Variants in PLCZ1 observed in about 807,000 individuals in gnomAD.
The protein encoded by PLCZ1 is 1-phosphatidylinositol 4,5-bisphosphate phosphodiesterase zeta-1.
A neutral mutation model predicts 76.8 loss-of-function variants in PLCZ1; 64 were observed. The observed-to-expected ratio is 0.83, with a 90% CI of 0.68 to 1.03. PLCZ1 has a LOEUF of 1.03. Among genes scored for constraint, PLCZ1 ranks in the 50% least tolerant of loss-of-function variants. The pLI, the probability that PLCZ1 is intolerant of heterozygous loss-of-function variation, is 0.00. For missense variants in PLCZ1, 751 were observed against 713.7 expected, an observed-to-expected ratio of 1.05 and a Z score of -0.60; for synonymous variants, 248 against 230.8, an observed-to-expected ratio of 1.07 and a Z score of -0.68.
At position 18,712,896 on chromosome 12, in the gene PLCZ1, T is replaced by C; in HGVS notation, c.660A>G (p.Thr220=). The change falls in exon 6 of 15, where the codon ACA becomes ACG. Residue 220 remains threonine (T), a synonymous_variant. Transcript: ENST00000266505. ...EPVVYHGYTL[T]SKLLFKTVIQ... ...TAACAGTTTTAAACAGAAGTTTGCT[T>C]GTGAGTGTGTAGCCATGATATACAA... is the stretch of plus-strand genomic sequence containing the variant. The C allele has an allele frequency of 6.2e-7, 1 of 1,613,932 alleles. No individual in the cohort carries two copies. The highest frequency in any genetic ancestry group is 1.1e-5 in the South Asian group (1 of 91,084).
chr12:18,655,876 A>C, the PLCZ1 span, among the ~76,000 whole-genome samples: 2 of 152,194 alleles, frequency 1.3e-5, no homozygotes, highest in Admixed American at 6.6e-5. Flanking sequence ...TGTCACAGCC[A>C]AGAGGAGCTT....
intron 13 of PLCZ1, 61 bp downstream of exon 13, chr12:18,688,028 A>G: frequency 6.3e-7 from 1 of 1,588,758 alleles, no homozygotes; most frequent in South Asian, 1.1e-5. Flanking sequence ...TCAACATATA[A>G]TTTGTAAGCT....
chr12:18,712,894 C>T lies in PLCZ1; in HGVS notation c.662G>A (p.Ser221Asn). The T allele has an allele frequency of 6.2e-7, 1 of 1,613,882 alleles. No individual in the cohort carries two copies. Among genetic ancestry groups the T allele is most frequent in the South Asian group, 1.1e-5 (1 of 91,076 alleles). ...PVVYHGYTLT[S>N]KLLFKTVIQA... is the part of the protein sequence containing the mutation. Reference sequence around the variant, plus strand: ...GATAACAGTTTTAAACAGAAGTTTGCTTGTGAGTGTGTAGCCATGATATAC... The same window carrying T: ...GATAACAGTTTTAAACAGAAGTTTGTTTGTGAGTGTGTAGCCATGATATAC... The change falls in exon 6 of 15, where the codon AGC becomes AAC. Residue 221 changes from serine (S) to asparagine (N), a missense_variant. By Grantham distance (46) the Ser-to-Asn change is conservative (BLOSUM62 1). Coordinates refer to ENST00000266505, the MANE Select transcript of PLCZ1 (RefSeq NM_033123.4).
rs71440372 is a variant in PLCZ1, at chr12:18,696,322, CTATATATATATATA to C, written c.1175-70_1175-57del. 2.5e-4 allele frequency: 66 copies of C among 267,788 alleles called. 5 individuals are homozygous for C. Among genetic ancestry groups the C allele is most frequent in the African/African-American group, 2.2e-3 (36 of 16,378 alleles). 16.6% of individuals were successfully genotyped at this position (267,788 alleles called of 1,614,324 possible). On this transcript the variant is annotated intron_variant, in intron 10 of 14. Transcript: ENST00000266505. ...GAATTCAAATAAATTTAAAAAGCCA[CTATATATATATATA>C]TATATATATATATATCATATAATTC...
intron 3 of PLCZ1, chr12:18,735,633 T>C (rs1959202429): frequency 6.6e-6 from 1 of 152,472 alleles, no homozygotes; most frequent in Non-Finnish European, 1.5e-5. Flanking sequence ...ATTTCCCTTT[T>C]TTTTCTAGAT....
downstream of PLCZ1, among the ~76,000 whole-genome samples, chr12:18,682,445 T>C (rs73060512): frequency 0.034 from 5,187 of 152,136 alleles, 141 homozygotes; most frequent in Middle Eastern, 0.095. Context: ...TTAGTATTAA[T>C]ATCAGTGGTT....
intron 3 of PLCZ1, among the ~76,000 whole-genome samples, chr12:18,727,282 G>A (rs184825341): frequency 6.6e-6 from 1 of 152,190 alleles, no homozygotes; most frequent in Admixed American, 6.6e-5. Flanking sequence ...CAGGAGTCCA[G>A]GGCTAGAGTG....
At chr12:18,737,260 G>T in intron 2 of PLCZ1, 101 bp downstream of exon 2, 1 of 1,268,370 alleles carries the variant, frequency 7.9e-7, no homozygotes. Context: ...TAAATGAAGA[G>T]GACTTAAATT....
intron 12 of PLCZ1, 91 bp downstream of exon 12, chr12:18,694,819 T>C (rs1954715005): frequency 3.9e-6 from 4 of 1,035,860 alleles, no homozygotes; most frequent in Non-Finnish European, 5.6e-6. Flanking sequence ...TAAAAGAAAT[T>C]GAAGCAAATC....
chr12:18,665,748 C>A, the PLCZ1 span, among the ~76,000 whole-genome samples: 502 of 151,976 alleles, frequency 3.3e-3, 3 homozygotes, highest in African/African-American at 0.012. Context: ...CATCCTGGAC[C>A]ACATGGTGAA....
At chr12:18,674,381 G>T in the PLCZ1 span, among the ~76,000 whole-genome samples, 1 of 145,074 alleles carries the variant, frequency 6.9e-6, no homozygotes, top group Non-Finnish European at 1.5e-5. Context: ...GTCTGCAATA[G>T]AATGTGAGAT....
At chr12:18,680,986 T>C (rs1952352947), downstream of PLCZ1, among the ~76,000 whole-genome samples, 1 of 151,810 alleles carries the variant, frequency 6.6e-6, no homozygotes, top group Non-Finnish European at 1.5e-5. Flanking sequence ...GATAGGGGAG[T>C]GTGTAGCATT....
intron 3 of PLCZ1, among the ~76,000 whole-genome samples, chr12:18,729,606 C>T (rs568312853): frequency 6.6e-6 from 1 of 152,160 alleles, no homozygotes; most frequent in African/African-American, 2.4e-5. Context: ...GATACTATTT[C>T]TTACTCAACC....
chr12:18,696,325 TATATATA>T, intron 10 of PLCZ1, 59 bp from the exon 11 acceptor site: 1 of 49,124 alleles, frequency 2.0e-5, no homozygotes, highest in Non-Finnish European at 5.7e-5. Flanking sequence ...AAAGCCACTA[TATATATA>T]TATATATATA....
At chr12:18,684,388 T>C (rs757519835) in intron 13 of PLCZ1, 109 bp from the exon 14 acceptor site, 51 of 1,056,296 alleles carry the variant, frequency 4.8e-5, no homozygotes, top group Non-Finnish European at 6.3e-5. Flanking sequence ...AACAATAATA[T>C]CTTGTGTTTA....
the PLCZ1 span, among the ~76,000 whole-genome samples, chr12:18,650,663 AAT>A: frequency 5.4e-3 from 274 of 50,822 alleles, 3 homozygotes; most frequent in African/African-American, 0.014. Flanking sequence ...CTGGAATATA[AAT>A]GTGTGTGTGT....
intron 3 of PLCZ1, among the ~76,000 whole-genome samples, chr12:18,728,395 G>A (rs1221125010): frequency 6.6e-6 from 1 of 152,142 alleles, no homozygotes; most frequent in Non-Finnish European, 1.5e-5. Context: ...TGAACAAATG[G>A]TGCCATTTAC....
At chr12:18,656,275 A>G in the PLCZ1 span, among the ~76,000 whole-genome samples, 90,072 of 151,932 alleles carry the variant, frequency 0.59, 26,907 homozygotes, top group East Asian at 0.72. Context: ...CCAAAAAAGC[A>G]TTAAAAAATA....
At chr12:18,693,783 CTT>C in intron 12 of PLCZ1, 1 of 1,513,314 alleles carries the variant, frequency 6.6e-7, no homozygotes, top group Non-Finnish European at 9.2e-7. Flanking sequence ...CAAATAGAAA[CTT>C]TGGATCCAGC....
Sources: allele counts gnomAD v4.1 joint callset (sites outside exome capture counted in the v4.1 genomes callset), GRCh38; gene constraint gnomAD v4.1.1; transcripts MANE v1.5; gene names NCBI Gene and HGNC (gene_info 2026-07-23, HGNC 2026-07-21).